KIF26B: variants seen among roughly 807,000 people sequenced by gnomAD.
KIF26B encodes the protein kinesin family member 26B, also known as kinesin-like protein KIF26B.
Under a neutral mutation model 151.2 loss-of-function variants are expected in KIF26B, and 63 were observed. The observed-to-expected ratio is 0.42, with a 90% CI of 0.34 to 0.51. The LOEUF is 0.51. Ranked by LOEUF, KIF26B falls within the 20% of genes least tolerant of loss-of-function variation. The pLI is 0.07. For missense variants in KIF26B, 2,813 were observed against 2,913.6 expected, an observed-to-expected ratio of 0.97 and a Z score of 0.79; for synonymous variants, 1,357 against 1,262.1, an observed-to-expected ratio of 1.08 and a Z score of -1.59.
intron 4 of KIF26B, among the ~76,000 whole-genome samples, chr1:245,461,122 T>C (rs1157425620): frequency 3.9e-5 from 6 of 152,128 alleles, no homozygotes; most frequent in Non-Finnish European, 8.8e-5. Flanking sequence ...AAGCCTCTGA[T>C]AGTTGCCTTC....
rs889654659 is a variant in KIF26B, at chr1:245,704,378, G to A, written c.*1772G>A. 2 of 152,368 alleles carry A rather than the reference G, an allele frequency of 1.3e-5. No individual in the cohort carries two copies. Among genetic ancestry groups the A allele is most frequent in the African/African-American group, 4.8e-5 (2 of 41,584 alleles). 9.4% of individuals were successfully genotyped at this position (152,368 alleles called of 1,614,324 possible). A position where few individuals can be genotyped will look rare whatever the true frequency, so the allele number is the denominator to read the frequency against. On this transcript the variant is annotated 3_prime_UTR_variant, in exon 15 of 15. Transcript: ENST00000407071. ...ACACAGCTGGCTGAACTCGGTAAAT[G>A]GGAACCGAAGTCTTGTGAGCTTCAC...
chr1:245,419,784 G>A, intron 4 of KIF26B, 39 bp downstream of exon 4: 1 of 1,558,026 alleles, frequency 6.4e-7, no homozygotes, highest in South Asian at 1.2e-5. Flanking sequence ...TTTCCGATGA[G>A]CCCAGCTGGT....
At chr1:245,298,622 A>C (rs1671376453) in intron 2 of KIF26B, among the ~76,000 whole-genome samples, 1 of 152,242 alleles carries the variant, frequency 6.6e-6, no homozygotes, top group Non-Finnish European at 1.5e-5. Flanking sequence ...CTTGAATAGT[A>C]CACCTAAAAA....
chr1:245,690,336 A>C (rs1290120391), intron 12 of KIF26B, among the ~76,000 whole-genome samples: 2 of 152,166 alleles, frequency 1.3e-5, no homozygotes, highest in African/African-American at 2.4e-5. Flanking sequence ...CTCAGAAGCC[A>C]GGTCCCTGCA....
At position 245,174,947 on chromosome 1, in the gene KIF26B, A is replaced by G. The variant is rs185848981; in HGVS notation, c.465+18264A>G. Among the ~76,000 whole-genome samples, 44 of 152,292 alleles carry G rather than the reference A, an allele frequency of 2.9e-4. 1 individual carries two copies. The East Asian group carries it at 7.1e-3, about 25-fold the overall frequency. On this transcript the variant is annotated intron_variant, in intron 2 of 14. Transcript: ENST00000407071. ...TGTATACCATGGTGTCTGGCCACAG[A>G]TGAAGTACCACAGTCATCAGATTAT...
At chr1:245,636,174 T>C (rs1350226144) in intron 9 of KIF26B, among the ~76,000 whole-genome samples, 1 of 152,168 alleles carries the variant, frequency 6.6e-6, no homozygotes, top group Non-Finnish European at 1.5e-5. Context: ...TGGTTTTCTG[T>C]CTACTTGTCA....
At chr1:245,521,209 C>A (rs1029313758) in intron 4 of KIF26B, among the ~76,000 whole-genome samples, 56 of 152,014 alleles carry the variant, frequency 3.7e-4, no homozygotes, top group Non-Finnish European at 7.8e-4. Flanking sequence ...TGGTGGCGAG[C>A]ACCTGTAGTC....
chr1:245,228,484 T>C (rs560012644), intron 2 of KIF26B, among the ~76,000 whole-genome samples: 1 of 151,254 alleles, frequency 6.6e-6, no homozygotes, highest in East Asian at 2.0e-4. Context: ...GAGAATTGCT[T>C]GAAACTGGGA....
At chr1:245,212,478 C>G (rs10924120) in intron 2 of KIF26B, among the ~76,000 whole-genome samples, 87,493 of 152,060 alleles carry the variant, frequency 0.58, 26,982 homozygotes, top group Non-Finnish European at 0.69. Flanking sequence ...CACATTGACA[C>G]AAGAGATGTG....
At chr1:245,322,399 A>G (rs1027429415) in intron 2 of KIF26B, among the ~76,000 whole-genome samples, 5 of 152,212 alleles carry the variant, frequency 3.3e-5, no homozygotes, top group Non-Finnish European at 7.3e-5. Context: ...AAATAAATAA[A>G]TAAAAATCAC....
chr1:245,691,793 C>T (rs183465857), intron 12 of KIF26B, among the ~76,000 whole-genome samples: 2 of 152,292 alleles, frequency 1.3e-5, no homozygotes, highest in Admixed American at 1.3e-4. Flanking sequence ...CTTGGTAGTA[C>T]ATGTAACAGC....
At chr1:245,171,653 A>T (rs1668711448) in intron 2 of KIF26B, among the ~76,000 whole-genome samples, 1 of 152,242 alleles carries the variant, frequency 6.6e-6, no homozygotes, top group African/African-American at 2.4e-5. Flanking sequence ...GAACTTCAGC[A>T]TATTCTTTTA....
intron 5 of KIF26B, among the ~76,000 whole-genome samples, chr1:245,553,022 G>A (rs1661930931): frequency 6.6e-6 from 1 of 152,162 alleles, no homozygotes; most frequent in African/African-American, 2.4e-5. Flanking sequence ...ATAATTCCTA[G>A]AGGTGACACC....
intron 3 of KIF26B, among the ~76,000 whole-genome samples, chr1:245,372,502 G>A (rs951293385): frequency 2.6e-5 from 4 of 152,046 alleles, no homozygotes; most frequent in African/African-American, 7.2e-5. Context: ...GTGGTTTTCC[G>A]ATCCTCACCC....
intron 5 of KIF26B, among the ~76,000 whole-genome samples, chr1:245,596,196 G>T (rs2043334855): frequency 6.6e-6 from 1 of 152,074 alleles, no homozygotes; most frequent in South Asian, 2.1e-4. Flanking sequence ...CTTGCCTTCT[G>T]CTAGCTTTTG....
At chr1:245,235,897 C>CA (rs1670098961) in intron 2 of KIF26B, among the ~76,000 whole-genome samples, 1 of 151,742 alleles carries the variant, frequency 6.6e-6, no homozygotes, top group South Asian at 2.1e-4. Flanking sequence ...AACACCCCAC[C>CA]ACTATAAGCT....
chr1:245,155,015 C>G lies in KIF26B; in HGVS notation c.-410C>G, dbSNP rs2103514052. The G allele has an allele frequency of 2.3e-6, 1 of 433,958 alleles. No homozygotes were observed. Among genetic ancestry groups the G allele is most frequent in the East Asian group, 3.5e-5 (1 of 28,236 alleles). 26.9% of individuals were successfully genotyped at this position (433,958 alleles called of 1,614,324 possible). On this transcript the variant is annotated 5_prime_UTR_variant, in exon 1 of 15. Coordinates refer to ENST00000407071, the MANE Select transcript of KIF26B (RefSeq NM_018012.4). ...CCAAGCTCGGTGAAGGAGACAAGTT[C>G]CCACAGCTGACTCGGCTCGGCTCTC...
At chr1:245,193,843 G>A (rs532063163) in intron 2 of KIF26B, among the ~76,000 whole-genome samples, 1 of 152,314 alleles carries the variant, frequency 6.6e-6, no homozygotes, top group African/African-American at 2.4e-5. Context: ...GTAGGCCAAG[G>A]CTGCCATCTG....
Position 245,176,274 on chromosome 1 carries a change from C to T in KIF26B, c.465+19591C>T, listed in dbSNP as rs550501012. ...TCAGCCTCCCAAAGTGCTGGGATTA[C>T]AGGCGTGAGCCTTGTAATTACAGGT... On this transcript the variant is annotated intron_variant, in intron 2 of 14. Transcript: ENST00000407071. Among the ~76,000 whole-genome samples, 560 of 150,026 alleles carry T rather than the reference C, an allele frequency of 3.7e-3. 2 individuals are homozygous for T. The highest frequency in any genetic ancestry group is 0.014 in the African/African-American group (545 of 40,046).
Sources: gnomAD v4.1 joint callset for allele counts (sites outside exome capture counted in the v4.1 genomes callset) on GRCh38, gnomAD v4.1.1 for gene constraint, MANE v1.5 for transcripts, NCBI Gene and HGNC (gene_info 2026-07-23, HGNC 2026-07-21) for gene names.